The following CCDC60 variants were observed in gnomAD, a reference collection of about 807,000 sequenced individuals.
CCDC60 encodes coiled-coil domain-containing protein 60.
CCDC60 carries 54 observed loss-of-function variants against 63.5 expected under a neutral mutation model. The ratio of observed to expected loss-of-function variants is 0.85; its 90% CI spans 0.68 to 1.07. The LOEUF (loss-of-function observed/expected upper bound fraction) is 1.07, where lower values mean the gene tolerates loss of function less well. Ranked by LOEUF, CCDC60 falls within the 50% of genes least tolerant of loss-of-function variation. The probability of loss-of-function intolerance (pLI) is 0.00; values close to 1 mark genes in which losing one functional copy is unlikely to be tolerated. For missense variants in CCDC60, 651 were observed against 684.3 expected, an observed-to-expected ratio of 0.95 and a Z score of 0.54; for synonymous variants, 206 against 238.8, an observed-to-expected ratio of 0.86 and a Z score of 1.27.
At position 119,500,109 on chromosome 12, in the gene CCDC60, A is replaced by G; in HGVS notation, c.589A>G (p.Lys197Glu). 6.2e-7 allele frequency: 1 copy of G among 1,612,382 alleles called. No homozygotes were observed. The highest frequency in any genetic ancestry group is 8.5e-7 in the Non-Finnish European group (1 of 1,179,562). ...GGGTGGAAGCAAGAGCACCATTAAAAAAATCAATAAGGACAAGTCCATGGG... is the reference window on the plus strand; with the variant it reads ...GGGTGGAAGCAAGAGCACCATTAAAGAAATCAATAAGGACAAGTCCATGGG... ...DPGGSKSTIK[K>E]INKDKSMGQK... The change falls in exon 6 of 14, where the codon AAA becomes GAA. Residue 197 changes from lysine to glutamate, a missense_variant. Physicochemically the swap from Lys to Glu is moderately conservative, Grantham distance 56 (BLOSUM62 1). Coordinates refer to ENST00000327554, the MANE Select transcript of CCDC60 (RefSeq NM_178499.5).
intron 1 of CCDC60, among the ~76,000 whole-genome samples, chr12:119,387,478 A>C (rs573614163): frequency 6.6e-6 from 1 of 152,212 alleles, no homozygotes; most frequent in East Asian, 1.9e-4. Context: ...GACAAATGCC[A>C]TACATAAAAA....
rs1566050506 is a variant in CCDC60 at position 119,507,579 on chromosome 12, CACATATATATACATAT to C, written c.883+2278_883+2293del. 6.6e-3 allele frequency among the ~76,000 whole-genome samples: 205 copies of C among 30,936 alleles called. 15 individuals carry two copies. The highest frequency in any genetic ancestry group is 0.035 in the African/African-American group (131 of 3,742). The allele number at this position is 30,936 out of a possible 152,430, so 20.3% of individuals were successfully genotyped here. Reference sequence around the variant, plus strand: ...ATATATATATATATATGTATATATACACATATATATACATATATATATATATATATATATATTTTTT... The same window carrying C: ...ATATATATATATATATGTATATATACATATATATATATATATATATTTTTT... On this transcript the variant is annotated intron_variant, in intron 7 of 13. Transcript: ENST00000327554.
intron 1 of CCDC60, among the ~76,000 whole-genome samples, chr12:119,337,824 T>TTGTGTGTGTGTGTGTG (rs60009617): frequency 7.1e-6 from 1 of 140,548 alleles, no homozygotes; most frequent in African/African-American, 2.6e-5. Context: ...GTGTGTGTAT[T>TTGTGTGTGTGTGTGTG]TGTGTGTGTG....
At position 119,515,257 on chromosome 12, in the gene CCDC60, G is replaced by A. The variant is rs568102483; in HGVS notation, c.884-1366G>A. The stretch of plus-strand genomic sequence containing the variant: ...ACTTCAGCATATCTTAGCAGAGAGG[G>A]TCACACAATTCAACCCATAACAGTC... On this transcript the variant is annotated intron_variant, in intron 7 of 13. Coordinates refer to ENST00000327554, the MANE Select transcript of CCDC60 (RefSeq NM_178499.5). 2.1e-4 allele frequency among the ~76,000 whole-genome samples: 32 copies of A among 152,262 alleles called. 1 individual carries two copies. The highest frequency in any genetic ancestry group is 7.7e-4 in the African/African-American group (32 of 41,562).
At chr12:119,488,589 C>T (rs781094351) in intron 4 of CCDC60, among the ~76,000 whole-genome samples, 170 bp from the exon 5 acceptor site, 27 of 152,158 alleles carry the variant, frequency 1.8e-4, no homozygotes, top group Non-Finnish European at 3.5e-4. Context: ...ATCTCATGGG[C>T]CCATTGCAAA....
intron 1 of CCDC60, among the ~76,000 whole-genome samples, chr12:119,366,762 A>G (rs1327992286): frequency 6.6e-6 from 1 of 152,182 alleles, no homozygotes; most frequent in East Asian, 1.9e-4. Flanking sequence ...GACCCACCCC[A>G]TGTACCCGTG....
intron 2 of CCDC60, among the ~76,000 whole-genome samples, chr12:119,446,214 C>A (rs1014926725): frequency 6.6e-6 from 1 of 152,056 alleles, no homozygotes; most frequent in Non-Finnish European, 1.5e-5. Context: ...CATATCTAAA[C>A]AACTAGTTAA....
chr12:119,447,636 T>C (rs1950565186), intron 2 of CCDC60: 1 of 152,264 alleles, frequency 6.6e-6, no homozygotes, highest in African/African-American at 2.4e-5. Flanking sequence ...ATAACAGGGA[T>C]GGCAGGGTGG....
At position 119,505,177 on chromosome 12, in the gene CCDC60, A is replaced by G. The variant is rs1951962081; in HGVS notation, c.757A>G (p.Ser253Gly). The change falls in exon 7 of 14, where the codon AGC (serine) becomes GGC (glycine). Residue 253 changes from serine (S) to glycine (G), a missense_variant. Transcript: ENST00000327554. ...RASGGSSPQS[S>G]MISVNPGSDE... ...CAGTGGGGGGTCCTCTCCCCAGAGC[A>G]GCATGATCTCTGTGAACCCTGGCTC... 14 of 1,614,146 alleles carry G rather than the reference A, an allele frequency of 8.7e-6. No individual in the cohort carries two copies. The highest frequency in any genetic ancestry group is 1.1e-5 in the Non-Finnish European group (13 of 1,180,026).
At chr12:119,430,560 G>A (rs531044264) in intron 2 of CCDC60, among the ~76,000 whole-genome samples, 5 of 151,504 alleles carry the variant, frequency 3.3e-5, no homozygotes, top group Admixed American at 1.3e-4. Flanking sequence ...CCAGCTACTC[G>A]GGAGGCTGAG....
At position 119,353,946 on chromosome 12, in the gene CCDC60, C is replaced by T. The variant is rs542910727; in HGVS notation, c.90+18680C>T. Among the ~76,000 whole-genome samples the T allele has an allele frequency of 1.9e-4, 29 of 152,084 alleles. No individual in the cohort carries two copies. In the South Asian group the frequency reaches 4.2e-3, roughly 22 times the overall value. On this transcript the variant is annotated intron_variant, in intron 1 of 13. Coordinates refer to ENST00000327554, the MANE Select transcript of CCDC60 (RefSeq NM_178499.5). ...AAAATTAGCTGGGTGTGGTGCTCACCCTCTTCCTGGCTATCTGCTCTCTCT... is the reference window on the plus strand; with the variant it reads ...AAAATTAGCTGGGTGTGGTGCTCACTCTCTTCCTGGCTATCTGCTCTCTCT...
chr12:119,403,666 C>G (rs1046322892), intron 1 of CCDC60, among the ~76,000 whole-genome samples: 2 of 151,982 alleles, frequency 1.3e-5, no homozygotes, highest in African/African-American at 4.8e-5. Context: ...ATGACTGGCC[C>G]TTTCTACCGC....
At chr12:119,527,545 A>C (rs1465007152) in intron 11 of CCDC60, among the ~76,000 whole-genome samples, 3 of 152,074 alleles carry the variant, frequency 2.0e-5, no homozygotes, top group Non-Finnish European at 4.4e-5. Context: ...TGGCTGGGGC[A>C]TACAGTGTTT....
intron 3 of CCDC60, among the ~76,000 whole-genome samples, chr12:119,475,181 C>T (rs996934509): frequency 6.6e-6 from 1 of 152,184 alleles, no homozygotes; most frequent in African/African-American, 2.4e-5. Context: ...AGACTGGCAG[C>T]CTTTCCCTGG....
chr12:119,361,575 C>T (rs1865129955), intron 1 of CCDC60, among the ~76,000 whole-genome samples: 1 of 152,068 alleles, frequency 6.6e-6, no homozygotes, highest in South Asian at 2.1e-4. Flanking sequence ...AAAGAATCAC[C>T]CCTGAGTTAT....
intron 4 of CCDC60, among the ~76,000 whole-genome samples, chr12:119,482,121 T>TAC (rs1388745277): frequency 6.8e-6 from 1 of 146,646 alleles, no homozygotes; most frequent in Non-Finnish European, 1.5e-5. Flanking sequence ...CACATATATA[T>TAC]ACATATATAT....
At chr12:119,494,141 C>T (rs1951663677) in intron 5 of CCDC60, among the ~76,000 whole-genome samples, 1 of 152,144 alleles carries the variant, frequency 6.6e-6, no homozygotes. Flanking sequence ...TTATTAGAGA[C>T]CAAATTTCCA....
At chr12:119,391,633 T>C (rs1202175822) in intron 1 of CCDC60, among the ~76,000 whole-genome samples, 3 of 152,242 alleles carry the variant, frequency 2.0e-5, no homozygotes, top group Non-Finnish European at 4.4e-5. Context: ...TGCAGAGTAA[T>C]GTGCATGTCA....
At chr12:119,434,689 T>C (rs1368363081) in intron 2 of CCDC60, among the ~76,000 whole-genome samples, 3 of 151,910 alleles carry the variant, frequency 2.0e-5, no homozygotes, top group Non-Finnish European at 4.4e-5. Context: ...GGGTGAAAGG[T>C]GGTGTATTTC....
Sources: gnomAD v4.1 joint callset for allele counts (sites outside exome capture counted in the v4.1 genomes callset) on GRCh38, gnomAD v4.1.1 for gene constraint, MANE v1.5 for transcripts, NCBI Gene and HGNC (gene_info 2026-07-23, HGNC 2026-07-21) for gene names.